Variants in ANKRD52 observed in about 807,000 individuals in gnomAD.
ANKRD52 encodes ankyrin repeat domain 52.
ANKRD52 carries 7 observed loss-of-function variants against 116.0 expected under a neutral mutation model. The observed-to-expected ratio is 0.06, with a 90% confidence interval of 0.03 to 0.11. The LOEUF (loss-of-function observed/expected upper bound fraction) is 0.11, where lower values mean the gene tolerates loss of function less well. ANKRD52 is among the 10% of genes least tolerant of loss of function. ANKRD52 has a pLI of 1.00. For synonymous variants in ANKRD52, 528 were observed against 578.1 expected, an observed-to-expected ratio of 0.91 and a Z score of 1.24; for missense variants, 839 against 1,408.6, an observed-to-expected ratio of 0.60 and a Z score of 6.47.
intron 20 of ANKRD52, 148 bp downstream of exon 20, chr12:56,247,345 T>TAA (rs1871457644): frequency 1.7e-6 from 1 of 590,036 alleles, no homozygotes. Flanking sequence ...AGACCCTGTC[T>TAA]CAAAAAAAAA....
intron 21 of ANKRD52, 49 bp from the exon 22 acceptor site, chr12:56,245,239 C>T: frequency 6.2e-7 from 1 of 1,608,040 alleles, no homozygotes; most frequent in Non-Finnish European, 8.5e-7. Context: ...GGCAAGGTTC[C>T]CTGTCTGTCC....
At chr12:56,247,804 G>C (rs1475906956) in intron 18 of ANKRD52, 30 bp from the exon 19 acceptor site, 2 of 1,599,044 alleles carry the variant, frequency 1.3e-6, no homozygotes, top group Admixed American at 3.4e-5. Context: ...TGTCAGGGCA[G>C]GGCCAGGAGG....
chr12:56,248,272 C>T lies in ANKRD52; in HGVS notation c.1777-48G>A, dbSNP rs766171593. 1.3e-6 allele frequency: 2 copies of T among 1,595,552 alleles called. No homozygotes were observed. Among genetic ancestry groups the T allele is most frequent in the Middle Eastern group, 1.7e-4 (1 of 6,026 alleles). On this transcript the variant is annotated intron_variant, in intron 17 of 27. Coordinates refer to ENST00000267116, the MANE Select transcript of ANKRD52 (RefSeq NM_173595.4). The surrounding 1 kb of genome is among the most constrained non-coding windows in gnomAD (Gnocchi z 5.1). ...TGCACACAGCTCGGGACCTTCCCTG[C>T]TCCTCCCTTCCCCTTCTCTGCTCTT...
chr12:56,250,810 T>C (rs747343917), intron 15 of ANKRD52, among the ~76,000 whole-genome samples: 3 of 151,936 alleles, frequency 2.0e-5, no homozygotes, highest in Non-Finnish European at 4.4e-5. Flanking sequence ...TATACCTAGT[T>C]TCCCGTCATT....
In ANKRD52 at chr12:56,258,235, G is replaced by A. The variant is rs573599256; in HGVS notation, c.27+8C>T. The A allele has an allele frequency of 1.2e-6, 2 of 1,600,364 alleles. No homozygotes were observed. Among genetic ancestry groups the A allele is most frequent in the Non-Finnish European group, 1.7e-6 (2 of 1,174,730 alleles). ...AAGGAGGAAGCGGGAAAGGGCAGGAGGGCTGACCTGGTCCGTGATGCTGAG... is the reference window on the plus strand; with the variant it reads ...AAGGAGGAAGCGGGAAAGGGCAGGAAGGCTGACCTGGTCCGTGATGCTGAG... On this transcript the variant is annotated splice_region_variant and intron_variant, in intron 1 of 27. Transcript: ENST00000267116.
chr12:56,253,824 G>T lies in ANKRD52; in HGVS notation c.907-24C>A. The T allele has an allele frequency of 6.2e-7, 1 of 1,610,150 alleles. No homozygotes were observed. The highest frequency in any genetic ancestry group is 1.1e-5 in the South Asian group (1 of 90,798). ...CTCTGTGGAAACATGGTGGGTTTTT[G>T]TTTTTGTTTTTTTTTCCAGTGCAAA... On this transcript the variant is annotated intron_variant, in intron 8 of 27. Coordinates refer to ENST00000267116, the MANE Select transcript of ANKRD52 (RefSeq NM_173595.4). The surrounding 1 kb of genome is among the most constrained non-coding windows in gnomAD (Gnocchi z 5.5).
In ANKRD52 at chr12:56,238,096, T is replaced by C. The variant is rs1329258103; in HGVS notation, c.*5046A>G. ...GGCATCTGGGCACATCTGCCCCTTA[T>C]TGCTGCCCACCAGCGTTAAACGCCC... On this transcript the variant is annotated 3_prime_UTR_variant, in exon 28 of 28. Transcript: ENST00000267116. 1 of 215,130 alleles carries C rather than the reference T, an allele frequency of 4.6e-6. No individual in the cohort carries two copies. The highest frequency in any genetic ancestry group is 2.3e-5 in the African/African-American group (1 of 43,792). 13.3% of individuals were successfully genotyped at this position (215,130 alleles called of 1,614,324 possible).
rs808919 is a variant in ANKRD52, at chr12:56,254,127, G to C, written c.846C>G (p.Ser282=). 0.91 allele frequency: 1,473,417 copies of C among 1,613,548 alleles called. 680,981 individuals carry two copies. Among genetic ancestry groups the C allele is most frequent in the South Asian group, 0.98 (88,972 of 91,072 alleles). Reference sequence around the variant, plus strand: ...GCTCCAAGCAGAGAGCGCCATTGGTGGAGACTGCAGCCACATGCAGTGGCG... The same window carrying C: ...GCTCCAAGCAGAGAGCGCCATTGGTCGAGACTGCAGCCACATGCAGTGGCG... ...GFTPLHVAAV[S]TNGALCLELL... is the part of the protein sequence containing the mutation. Residue 282 remains serine (S), a synonymous_variant, in exon 8 of 28, where the codon TCC becomes TCG. Transcript: ENST00000267116. This position sits in a 1 kb window ranked among gnomAD's most constrained non-coding sequence, Gnocchi z 4.6.
chr12:56,245,660 G>A (rs1269867431), intron 20 of ANKRD52, 64 bp from the exon 21 acceptor site: 3 of 1,495,856 alleles, frequency 2.0e-6, no homozygotes, highest in Non-Finnish European at 9.1e-7. Context: ...GCCTGTTGCT[G>A]GAGTCTGGCT....
Position 56,255,635 on chromosome 12 carries a change from A to C in ANKRD52, c.462+149T>G, listed in dbSNP as rs1871914081. Reference sequence around the variant, plus strand: ...AAGTTAAGAATTTTAATCTAGTCTGACCATTCATTTAGTGCTTCAGCTTAA... The same window carrying C: ...AAGTTAAGAATTTTAATCTAGTCTGCCCATTCATTTAGTGCTTCAGCTTAA... On this transcript the variant is annotated intron_variant, in intron 5 of 27. Transcript: ENST00000267116. This position sits in a 1 kb window ranked among gnomAD's most constrained non-coding sequence, Gnocchi z 4.3. 2 of 691,482 alleles carry C rather than the reference A, an allele frequency of 2.9e-6. No individual in the cohort carries two copies. Among genetic ancestry groups the C allele is most frequent in the Non-Finnish European group, 4.8e-6 (2 of 417,212 alleles). The allele number at this position is 691,482 out of a possible 1,614,324, so 42.8% of individuals were successfully genotyped here.
intron 20 of ANKRD52, 87 bp downstream of exon 20, chr12:56,247,406 A>G: frequency 2.7e-6 from 3 of 1,131,340 alleles, no homozygotes; most frequent in South Asian, 1.5e-5. Context: ...CTTGCCTCCT[A>G]GACAATTGGA....
rs571855088 is a variant in ANKRD52, at chr12:56,253,162, C to T, written c.1101-76G>A. On this transcript the variant is annotated intron_variant, in intron 10 of 27. Transcript: ENST00000267116. This position sits in a 1 kb window ranked among gnomAD's most constrained non-coding sequence, Gnocchi z 5.5. Reference sequence around the variant, plus strand: ...AGACCTCTTCTGTGACCTACCACCACCCTAGAGTCAGGGTAGGAGGTTCTC... The same window carrying T: ...AGACCTCTTCTGTGACCTACCACCATCCTAGAGTCAGGGTAGGAGGTTCTC... The T allele has an allele frequency of 1.9e-5, 27 of 1,453,268 alleles. No homozygotes were observed. In the Middle Eastern group the frequency reaches 5.3e-4, roughly 29 times the overall value. 90.0% of individuals were successfully genotyped at this position (1,453,268 alleles called of 1,614,324 possible). A position where few individuals can be genotyped will look rare whatever the true frequency, so the allele number is the denominator to read the frequency against.
At position 56,246,919 on chromosome 12, in the gene ANKRD52, C is replaced by CAATAAT. The variant is rs374443069; in HGVS notation, c.2184+568_2184+573dup. 6.2e-3 allele frequency among the ~76,000 whole-genome samples: 778 copies of CAATAAT among 125,468 alleles called. 5 individuals are homozygous for CAATAAT. The highest frequency in any genetic ancestry group is 0.01 in the Admixed American group (126 of 12,030). 82.3% of individuals were successfully genotyped at this position (125,468 alleles called of 152,430 possible). On this transcript the variant is annotated intron_variant, in intron 20 of 27. Transcript: ENST00000267116. ...TGGGTGACAGAGCGAGACTCTATCT[C>CAATAAT]AATAATAATAATAATAATAATAATA...
chr12:56,255,816 G>C lies in ANKRD52; in HGVS notation c.430C>G (p.Leu144Val). The change falls in exon 5 of 28, where the codon CTG (leucine) becomes GTG (valine). Residue 144 changes from leucine (L) to valine (V), a missense_variant. Leu to Val is a conservative substitution (Grantham distance 32). Around this residue, in one of 2 missense-constraint regions of ANKRD52, gnomAD observed 287 missense variants for 598.1 expected, o/e 0.48. Coordinates refer to ENST00000267116, the MANE Select transcript of ANKRD52 (RefSeq NM_173595.4). This position sits in a 1 kb window ranked among gnomAD's most constrained non-coding sequence, Gnocchi z 4.3. ...NVADRSGRSA[L>V]HHAVHSGHLE... Reference sequence around the variant, plus strand: ...TGCCCACTATGCACTGCATGGTGCAGAGCACTGCGCCCGCTCCTGTCAGCC... The same window carrying C: ...TGCCCACTATGCACTGCATGGTGCACAGCACTGCGCCCGCTCCTGTCAGCC... 1 of 1,584,950 alleles carries C rather than the reference G, an allele frequency of 6.3e-7. No homozygotes were observed. Among genetic ancestry groups the C allele is most frequent in the South Asian group, 1.1e-5 (1 of 87,018 alleles).
Position 56,255,788 on chromosome 12 carries a change from A to G in ANKRD52, c.458T>C (p.Leu153Pro). The change falls in exon 5 of 28, where the codon CTT becomes CCT. Residue 153 changes from leucine to proline, a missense_variant. Coordinates refer to ENST00000267116, the MANE Select transcript of ANKRD52 (RefSeq NM_173595.4). The surrounding 1 kb of genome is among the most constrained non-coding windows in gnomAD (Gnocchi z 4.3). ...ALHHAVHSGH[L>P]ETVNLLLNKG... The stretch of plus-strand genomic sequence containing the variant: ...CTGGATGGGAACAGTCCTCACCTCA[A>G]GATGCCCACTATGCACTGCATGGTG... 6.4e-7 allele frequency: 1 copy of G among 1,568,990 alleles called. No individual in the cohort carries two copies. The highest frequency in any genetic ancestry group is 8.7e-7 in the Non-Finnish European group (1 of 1,153,828).
chr12:56,255,089 C>T lies in ANKRD52; in HGVS notation c.463-137G>A, dbSNP rs755460773. The T allele has an allele frequency of 8.8e-5, 64 of 727,394 alleles. No homozygotes were observed. Among genetic ancestry groups the T allele is most frequent in the Non-Finnish European group, 1.2e-4 (55 of 441,270 alleles). The allele number at this position is 727,394 out of a possible 1,614,324, so 45.1% of individuals were successfully genotyped here. On this transcript the variant is annotated intron_variant, in intron 5 of 27. Coordinates refer to ENST00000267116, the MANE Select transcript of ANKRD52 (RefSeq NM_173595.4). The surrounding 1 kb of genome is among the most constrained non-coding windows in gnomAD (Gnocchi z 4.3). ...CATGAGCAAAACAACCTGGAGGACT[C>T]GAGGGAACAGCAGAAGCAGGCACTA... is the stretch of plus-strand genomic sequence containing the variant.
chr12:56,246,660 G>A (rs914739268), intron 20 of ANKRD52, among the ~76,000 whole-genome samples: 8 of 152,034 alleles, frequency 5.3e-5, no homozygotes, highest in African/African-American at 1.7e-4. Context: ...AGTGGCTCAC[G>A]CCTGTAATCC....
In ANKRD52 at chr12:56,247,643, C is replaced by T. The variant is rs762295485; in HGVS notation, c.2067-33G>A. Reference sequence around the variant, plus strand: ...AGGGCAGGAGGAGGAGTGAGGATCCCGCAAGGACTGGAAAACCTGCACCCC... The same window carrying T: ...AGGGCAGGAGGAGGAGTGAGGATCCTGCAAGGACTGGAAAACCTGCACCCC... On this transcript the variant is annotated intron_variant, in intron 19 of 27. Coordinates refer to ENST00000267116, the MANE Select transcript of ANKRD52 (RefSeq NM_173595.4). The T allele has an allele frequency of 1.6e-5, 26 of 1,592,694 alleles. No homozygotes were observed. The Admixed American group carries it at 1.8e-4, about 11-fold the overall frequency.
chr12:56,243,876 C>A lies in ANKRD52; in HGVS notation c.2889G>T (p.Met963Ile). The A allele has an allele frequency of 6.4e-7, 1 of 1,566,598 alleles. No individual in the cohort carries two copies. Among genetic ancestry groups the A allele is most frequent in the Non-Finnish European group, 8.7e-7 (1 of 1,155,350 alleles). ...CATTCCGGGCAGCAATGTGGAGTGG[C>A]CTTGGAAAAAAGGAAAAAGAAGGAG... ...LINATNSALQ[M>I]PLHIAARNGL... Residue 963 changes from methionine (M) to isoleucine (I), a missense_variant and splice_region_variant, in exon 27 of 28, where the codon ATG becomes ATT. Physicochemically the swap from Met to Ile is conservative, Grantham distance 10 (BLOSUM62 1). Around this residue, in one of 2 missense-constraint regions of ANKRD52, gnomAD observed 552 missense variants for 810.6 expected, o/e 0.68. Transcript: ENST00000267116. The surrounding 1 kb of genome is among the most constrained non-coding windows in gnomAD (Gnocchi z 4.6).
Sources: gnomAD v4.1 joint callset for allele counts (sites outside exome capture counted in the v4.1 genomes callset) on GRCh38, gnomAD v4.1.1 for gene constraint, gnomAD v4.1.1 regional missense constraint, Gnocchi (gnomAD v3.1) non-coding constraint, MANE v1.5 for transcripts, NCBI Gene and HGNC (gene_info 2026-07-23, HGNC 2026-07-21) for gene names.